Variants in SFMBT2 observed in about 807,000 individuals in gnomAD.
SFMBT2 encodes the protein Scm like with four mbt domains 2, also known as scm-like with four MBT domains protein 2.
Under a neutral mutation model 110.1 loss-of-function variants are expected in SFMBT2, and 38 were observed. The observed-to-expected ratio is 0.35, with a 90% confidence interval of 0.27 to 0.45. SFMBT2 has a LOEUF of 0.45. Among genes scored for constraint, SFMBT2 ranks in the 20% least tolerant of loss-of-function variants. The pLI is 1.00. For synonymous variants in SFMBT2, 425 were observed against 425.4 expected (o/e 1.00, Z 0.01); for missense variants, 1,011 against 1,094.9 (o/e 0.92, Z 1.08).
intron 11 of SFMBT2, among the ~76,000 whole-genome samples, chr10:7,212,402 C>T (rs905391272): frequency 6.6e-6 from 1 of 152,206 alleles, no homozygotes; most frequent in Non-Finnish European, 1.5e-5. Context: ...CCTGTAAAAA[C>T]ATGGTGCTTT....
intron 4 of SFMBT2, among the ~76,000 whole-genome samples, chr10:7,324,868 A>G (rs1438061719): frequency 6.6e-6 from 1 of 151,514 alleles, no homozygotes; most frequent in African/African-American, 2.4e-5. Flanking sequence ...ATAAGCTCTC[A>G]GGTGCCTCTT....
chr10:7,406,551 G>A (rs2132133990), intron 1 of SFMBT2, among the ~76,000 whole-genome samples: 1 of 151,654 alleles, frequency 6.6e-6, no homozygotes, highest in Admixed American at 6.6e-5. Context: ...AAAGCTTTAT[G>A]ATGAAAACGA....
At chr10:7,186,423 T>TATACAC (rs1554782931) in intron 16 of SFMBT2, among the ~76,000 whole-genome samples, 10,956 of 106,782 alleles carry the variant, frequency 0.1, 637 homozygotes, top group African/African-American at 0.12. Flanking sequence ...ACATACTATA[T>TATACAC]ATACACACAC....
intron 4 of SFMBT2, among the ~76,000 whole-genome samples, chr10:7,290,830 A>G (rs1459654801): frequency 6.6e-6 from 1 of 152,180 alleles, no homozygotes; most frequent in Non-Finnish European, 1.5e-5. Context: ...GAGTAAGACC[A>G]TGTCTGTAAA....
chr10:7,196,822 G>C (rs1249345353), intron 15 of SFMBT2, among the ~76,000 whole-genome samples: 5 of 152,182 alleles, frequency 3.3e-5, no homozygotes, highest in Non-Finnish European at 5.9e-5. Context: ...GAAGAGTTTG[G>C]AAACTATTCC....
intron 7 of SFMBT2, among the ~76,000 whole-genome samples, chr10:7,254,363 G>C (rs555093974): frequency 6.6e-6 from 1 of 152,136 alleles, no homozygotes; most frequent in African/African-American, 2.4e-5. Context: ...AAGGAAAAGA[G>C]AGGCAAGAAC....
chr10:7,171,146 C>T lies in SFMBT2; in HGVS notation c.2416-90G>A. 6.3e-7 allele frequency: 1 copy of T among 1,588,732 alleles called. No homozygotes were observed. The highest frequency in any genetic ancestry group is 8.6e-7 in the Non-Finnish European group (1 of 1,166,968). Reference sequence around the variant, plus strand: ...CTCTCCAGGCCTCGGCCGTTCCTGGCCGGAAGCCACTGCCTCCCTTTGCTC... The same window carrying T: ...CTCTCCAGGCCTCGGCCGTTCCTGGTCGGAAGCCACTGCCTCCCTTTGCTC... On this transcript the variant is annotated intron_variant, in intron 19 of 20. Coordinates refer to ENST00000397167, the MANE Select transcript of SFMBT2 (RefSeq NM_001387889.1). This position sits in a 1 kb window ranked among gnomAD's most constrained non-coding sequence, Gnocchi z 4.9.
At chr10:7,299,158 T>C (rs547570609) in intron 4 of SFMBT2, among the ~76,000 whole-genome samples, 44 of 152,242 alleles carry the variant, frequency 2.9e-4, no homozygotes, top group African/African-American at 9.9e-4. Context: ...GGCAATACTA[T>C]TCAAGACACA....
intron 4 of SFMBT2, among the ~76,000 whole-genome samples, chr10:7,335,406 C>T (rs544981966): frequency 6.6e-6 from 1 of 152,222 alleles, no homozygotes; most frequent in African/African-American, 2.4e-5. Flanking sequence ...CGCAGCTCAC[C>T]GGTATAATCT....
At chr10:7,292,121 C>G (rs957782841) in intron 4 of SFMBT2, 2 of 158,502 alleles carry the variant, frequency 1.3e-5, no homozygotes, top group Non-Finnish European at 2.7e-5. Flanking sequence ...TTAATGGGGT[C>G]TCTGGAGGAA....
chr10:7,303,302 A>G lies in SFMBT2; in HGVS notation c.437-17348T>C, dbSNP rs143876134. ...TGGTTTTCTTCCTGTTAACACTAAG[A>G]CTGTATTAGATGAAATTTATAGTTG... On this transcript the variant is annotated intron_variant, in intron 4 of 20. Transcript: ENST00000397167. 2.7e-3 allele frequency among the ~76,000 whole-genome samples: 410 copies of G among 152,364 alleles called. 4 individuals carry two copies. The highest frequency in any genetic ancestry group is 9.3e-3 in the African/African-American group (388 of 41,590).
chr10:7,165,996 G>C (rs963194658), intron 20 of SFMBT2, among the ~76,000 whole-genome samples: 1 of 152,164 alleles, frequency 6.6e-6, no homozygotes, highest in African/African-American at 2.4e-5. Flanking sequence ...ACACCAAGAG[G>C]GCATGGGTGT....
chr10:7,205,795 C>T lies in SFMBT2; in HGVS notation c.1444+20G>A, dbSNP rs369245395. 3 of 1,610,232 alleles carry T rather than the reference C, an allele frequency of 1.9e-6. No homozygotes were observed. Among genetic ancestry groups the T allele is most frequent in the East Asian group, 2.2e-5 (1 of 44,798 alleles). On this transcript the variant is annotated intron_variant, in intron 12 of 20. Coordinates refer to ENST00000397167, the MANE Select transcript of SFMBT2 (RefSeq NM_001387889.1). ...AGATCACTGGTGTCATCCACCCCCCCTCAACTGGGAACCACTTACAGACTG... is the reference window on the plus strand; with the variant it reads ...AGATCACTGGTGTCATCCACCCCCCTTCAACTGGGAACCACTTACAGACTG...
At chr10:7,381,983 G>C in intron 1 of SFMBT2, 34 bp from the exon 2 acceptor site, 1 of 1,301,872 alleles carries the variant, frequency 7.7e-7, no homozygotes, top group Non-Finnish European at 1.0e-6. Context: ...AATCAGAGCA[G>C]TTTAATCATA....
Position 7,188,607 on chromosome 10 carries a change from G to T in SFMBT2, c.1808+17C>A. 1 of 1,600,508 alleles carries T rather than the reference G, an allele frequency of 6.2e-7. No individual in the cohort carries two copies. Among genetic ancestry groups the T allele is most frequent in the Non-Finnish European group, 8.6e-7 (1 of 1,169,508 alleles). ...GTATTACAAAAACCCTTGCTTTCCA[G>T]AATTGAAAACACTTACTTGGCCTTC... On this transcript the variant is annotated intron_variant, in intron 16 of 20. Coordinates refer to ENST00000397167, the MANE Select transcript of SFMBT2 (RefSeq NM_001387889.1).
chr10:7,354,329 T>A (rs1844427558), intron 4 of SFMBT2, among the ~76,000 whole-genome samples: 1 of 152,182 alleles, frequency 6.6e-6, no homozygotes, highest in African/African-American at 2.4e-5. Flanking sequence ...TTGTCATTAG[T>A]CTTGATCAAA....
At position 7,233,834 on chromosome 10, in the gene SFMBT2, G is replaced by A. The variant is rs185928262; in HGVS notation, c.1121-5897C>T. The stretch of plus-strand genomic sequence containing the variant: ...GGGGCTCTGTGGCAACCCTTCAGGG[G>A]ATGAATGTCCCATGGCCCTGGCAGG... On this transcript the variant is annotated intron_variant, in intron 9 of 20. Transcript: ENST00000397167. 2.6e-3 allele frequency among the ~76,000 whole-genome samples: 400 copies of A among 152,326 alleles called. 1 individual carries two copies. Among genetic ancestry groups the A allele is most frequent in the Non-Finnish European group, 3.2e-3 (221 of 68,028 alleles).
chr10:7,210,448 C>T (rs1039295295), intron 11 of SFMBT2, among the ~76,000 whole-genome samples: 1 of 152,174 alleles, frequency 6.6e-6, no homozygotes, highest in Non-Finnish European at 1.5e-5. Context: ...AGGCTACAAG[C>T]CCACCATGAG....
intron 8 of SFMBT2, chr10:7,244,139 C>T: frequency 2.8e-6 from 1 of 354,946 alleles, no homozygotes; most frequent in Non-Finnish European, 4.0e-6. Flanking sequence ...CAAGATCTGG[C>T]TTGGAGCTTT....
Sources: allele counts gnomAD v4.1 joint callset (sites outside exome capture counted in the v4.1 genomes callset), GRCh38; gene constraint gnomAD v4.1.1; non-coding constraint Gnocchi (gnomAD v3.1); transcripts MANE v1.5; gene names NCBI Gene and HGNC (gene_info 2026-07-23, HGNC 2026-07-21).